The following SPECC1L variants were observed in gnomAD, a reference collection of about 807,000 sequenced individuals.
SPECC1L encodes the protein sperm antigen with calponin homology and coiled-coil domains 1 like.
In SPECC1L, 40 loss-of-function variants were observed where a neutral mutation model predicts 116.8. That is an observed-to-expected ratio of 0.34 (90% CI 0.27 to 0.45). The LOEUF is 0.45. SPECC1L is among the 20% of genes least tolerant of loss of function. SPECC1L has a pLI of 1.00. For missense variants in SPECC1L, 1,110 were observed against 1,373.6 expected (o/e 0.81, Z 3.03); for synonymous variants, 504 against 500.6 (o/e 1.01, Z -0.09).
At chr22:24,392,028 C>T (rs2042284111) in intron 14 of SPECC1L, among the ~76,000 whole-genome samples, 1 of 152,162 alleles carries the variant, frequency 6.6e-6, no homozygotes, top group Non-Finnish European at 1.5e-5. Context: ...CTTGAGACAG[C>T]CCCTAGAAAT....
intron 9 of SPECC1L, among the ~76,000 whole-genome samples, chr22:24,335,336 A>G (rs573984393): frequency 6.6e-6 from 1 of 152,282 alleles, no homozygotes; most frequent in East Asian, 1.9e-4. Context: ...CAGATTCCCA[A>G]ATGCCTCCAT....
At chr22:24,403,667 C>T (rs1321000026) in intron 14 of SPECC1L, among the ~76,000 whole-genome samples, 1 of 152,210 alleles carries the variant, frequency 6.6e-6, no homozygotes, top group African/African-American at 2.4e-5. Flanking sequence ...AGAGGGAAAC[C>T]CCTGGAAGAT....
intron 3 of SPECC1L, among the ~76,000 whole-genome samples, chr22:24,310,189 CTTA>C (rs1162744317): frequency 3.3e-5 from 5 of 152,150 alleles, no homozygotes; most frequent in South Asian, 4.1e-4. Flanking sequence ...AGCAGTCTTT[CTTA>C]TTTTTTGTTG....
intron 2 of SPECC1L, among the ~76,000 whole-genome samples, chr22:24,284,528 G>A (rs1433046183): frequency 6.6e-6 from 1 of 151,934 alleles, no homozygotes. Flanking sequence ...TCTGCCTCCC[G>A]GGTTCATGCC....
intron 2 of SPECC1L, among the ~76,000 whole-genome samples, chr22:24,284,307 C>G (rs775127018): frequency 1.6e-4 from 24 of 152,134 alleles, no homozygotes; most frequent in Non-Finnish European, 2.9e-4. Context: ...AAAACACATT[C>G]TGATTTCCCT....
At chr22:24,334,710 T>C (rs1645948167) in intron 9 of SPECC1L, 137 bp downstream of exon 9, 4 of 938,122 alleles carry the variant, frequency 4.3e-6, no homozygotes, top group East Asian at 2.5e-5. Context: ...TGCACTAGAC[T>C]TAACAGAAGG....
chr22:24,397,025 C>T (rs536476246), intron 14 of SPECC1L, among the ~76,000 whole-genome samples: 126 of 152,170 alleles, frequency 8.3e-4, no homozygotes, highest in African/African-American at 3.0e-3. Context: ...ATATTTGGTC[C>T]AAAGTAAAGT....
At position 24,330,336 on chromosome 22, in the gene SPECC1L, C is replaced by A; in HGVS notation, c.2301C>A (p.Ala767=). The part of the protein sequence containing the change: ...VVIANDIKSE[A]QEEIGDLKRR... The stretch of plus-strand genomic sequence containing the variant: ...TTGCAAATGACATTAAATCTGAAGC[C>A]CAAGAGGAGATTGGTGATCTAAAGC... Residue 767 remains alanine, a synonymous_variant, in exon 8 of 17, where the codon GCC becomes GCA. Coordinates refer to ENST00000314328, the MANE Select transcript of SPECC1L (RefSeq NM_015330.6). 2 of 1,613,964 alleles carry A rather than the reference C, an allele frequency of 1.2e-6. No homozygotes were observed. The highest frequency in any genetic ancestry group is 1.7e-6 in the Non-Finnish European group (2 of 1,180,012).
chr22:24,312,671 C>A (rs918593150), intron 3 of SPECC1L, among the ~76,000 whole-genome samples: 1 of 152,034 alleles, frequency 6.6e-6, no homozygotes, highest in Non-Finnish European at 1.5e-5. Flanking sequence ...TTTTAAGGCT[C>A]ATGTTTTTTA....
chr22:24,334,318 C>T (rs2041003568), intron 8 of SPECC1L, 92 bp from the exon 9 acceptor site: 5 of 1,385,100 alleles, frequency 3.6e-6, no homozygotes, highest in Non-Finnish European at 5.1e-6. Flanking sequence ...GGCCATTAAA[C>T]TGATAGTTTT....
In SPECC1L at chr22:24,371,729, T is replaced by TGATC. The variant is rs767899023; in HGVS notation, c.3087+2413_3087+2416dup. Among the ~76,000 whole-genome samples the TGATC allele has an allele frequency of 5.3e-5, 8 of 152,200 alleles. No homozygotes were observed. In the East Asian group the frequency reaches 5.8e-4, roughly 11 times the overall value. ...GACATTGATTGATTGATTGATTGAT[T>TGATC]GATCGATTGAGAGACAGAGTCTCAT... On this transcript the variant is annotated intron_variant, in intron 14 of 16. Transcript: ENST00000314328.
At chr22:24,396,362 G>A (rs985487400) in intron 14 of SPECC1L, among the ~76,000 whole-genome samples, 2 of 151,874 alleles carry the variant, frequency 1.3e-5, no homozygotes, top group Non-Finnish European at 2.9e-5. Context: ...AGGCTGGAGT[G>A]CATTGGCTCA....
At chr22:24,384,939 C>T (rs928891040) in intron 14 of SPECC1L, among the ~76,000 whole-genome samples, 8 of 151,730 alleles carry the variant, frequency 5.3e-5, no homozygotes, top group Admixed American at 4.6e-4. Flanking sequence ...AGGTGGGCAC[C>T]TGTAGTCCCA....
Position 24,363,295 on chromosome 22 carries a change from T to A in SPECC1L, c.2778T>A (p.Pro926=). The A allele has an allele frequency of 6.2e-7, 1 of 1,614,216 alleles. No homozygotes were observed. Among genetic ancestry groups the A allele is most frequent in the East Asian group, 2.2e-5 (1 of 44,890 alleles). ...TAAGAACATCTTCAGCCAGCCGGCC[T>A]GCTTCCCTGCCAAGAGTGCCTGCGA... The part of the protein sequence containing the change: ...HLLRTSSASR[P]ASLPRVPAME... Residue 926 remains proline (P), a synonymous_variant, in exon 12 of 17, where the codon CCT becomes CCA. Transcript: ENST00000314328.
chr22:24,381,611 G>A (rs371405954), intron 14 of SPECC1L, among the ~76,000 whole-genome samples: 10 of 152,150 alleles, frequency 6.6e-5, no homozygotes, highest in East Asian at 1.9e-4. Flanking sequence ...TTGCCGGGGC[G>A]TGGTGGCTCA....
At chr22:24,403,071 T>A (rs543015942) in intron 14 of SPECC1L, among the ~76,000 whole-genome samples, 1 of 152,236 alleles carries the variant, frequency 6.6e-6, no homozygotes, top group East Asian at 1.9e-4. Flanking sequence ...TTTATGAGGG[T>A]AGAAAGGACA....
chr22:24,399,388 G>A (rs2042427193), intron 14 of SPECC1L, among the ~76,000 whole-genome samples: 1 of 152,102 alleles, frequency 6.6e-6, no homozygotes, highest in African/African-American at 2.4e-5. Context: ...GGCTAACATG[G>A]TGAAACTCCA....
intron 10 of SPECC1L, among the ~76,000 whole-genome samples, 165 bp from the exon 11 acceptor site, chr22:24,346,921 G>A (rs182909949): frequency 9.9e-5 from 15 of 152,280 alleles, no homozygotes; most frequent in African/African-American, 3.6e-4. Flanking sequence ...TTTAAAAAAA[G>A]TATATTGATC....
intron 13 of SPECC1L, 123 bp downstream of exon 13, chr22:24,365,755 T>G: frequency 9.0e-7 from 1 of 1,114,784 alleles, no homozygotes. Context: ...GTGTGTTGTT[T>G]GCGAATCTTT....
Sources: gnomAD v4.1 joint callset for allele counts (sites outside exome capture counted in the v4.1 genomes callset) on GRCh38, gnomAD v4.1.1 for gene constraint, MANE v1.5 for transcripts, NCBI Gene and HGNC (gene_info 2026-07-23, HGNC 2026-07-21) for gene names.